The following NEK1 variants were observed in gnomAD, a reference collection of about 807,000 sequenced individuals.
The protein encoded by NEK1 is serine/threonine-protein kinase Nek1.
Under a neutral mutation model 182.1 loss-of-function variants are expected in NEK1, and 137 were observed. That is an observed-to-expected ratio of 0.75 (90% CI 0.65 to 0.87). NEK1 has a LOEUF of 0.87. Among genes scored for constraint, NEK1 ranks in the 40% least tolerant of loss-of-function variants. The pLI, the probability that NEK1 is intolerant of heterozygous loss-of-function variation, is 0.00. For synonymous variants in NEK1, 513 were observed against 492.2 expected, an observed-to-expected ratio of 1.04 and a Z score of -0.56; for missense variants, 1,391 against 1,494.4, an observed-to-expected ratio of 0.93 and a Z score of 1.14.
In NEK1 at chr4:169,444,754, C is replaced by T. The variant is rs187064895; in HGVS notation, c.2588-6495G>A. Among the ~76,000 whole-genome samples the T allele has an allele frequency of 7.8e-4, 119 of 152,260 alleles. 1 individual carries two copies. The highest frequency in any genetic ancestry group is 1.3e-3 in the Non-Finnish European group (89 of 68,008). On this transcript the variant is annotated intron_variant, in intron 27 of 35. Coordinates refer to ENST00000507142, the MANE Select transcript of NEK1 (RefSeq NM_001199397.3). ...TAAACTGCACTTTAGACCAAATGGACGTAACAGACATCTACAGAACACATC... is the reference window on the plus strand; with the variant it reads ...TAAACTGCACTTTAGACCAAATGGATGTAACAGACATCTACAGAACACATC...
intron 32 of NEK1, among the ~76,000 whole-genome samples, chr4:169,405,861 T>C (rs1732503097): frequency 6.6e-6 from 1 of 152,182 alleles, no homozygotes; most frequent in Admixed American, 6.5e-5. Flanking sequence ...CCTAGCACTT[T>C]GGGAGCCCAA....
intron 31 of NEK1, among the ~76,000 whole-genome samples, chr4:169,416,083 G>A (rs183160237): frequency 1.3e-4 from 20 of 152,208 alleles, no homozygotes; most frequent in African/African-American, 4.6e-4. Flanking sequence ...CCACAGATTC[G>A]AAAACTAAGG....
chr4:169,447,190 A>G (rs970455904), intron 27 of NEK1, among the ~76,000 whole-genome samples: 1 of 152,222 alleles, frequency 6.6e-6, no homozygotes, highest in African/African-American at 2.4e-5. Context: ...GAAAAGCAGC[A>G]GCAGACTTTG....
intron 2 of NEK1, among the ~76,000 whole-genome samples, chr4:169,603,732 G>A (rs1231524059): frequency 7.7e-6 from 1 of 129,288 alleles, no homozygotes; most frequent in Non-Finnish European, 1.6e-5. Context: ...TTTTAAGACA[G>A]TCTCACTCTG....
chr4:169,440,240 A>C (rs1739186366), intron 27 of NEK1, among the ~76,000 whole-genome samples: 2 of 152,068 alleles, frequency 1.3e-5, no homozygotes. Flanking sequence ...TCAAAGCAGC[A>C]AATCAAAATA....
chr4:169,513,966 G>GTTATTTATTTATTTATTTATTTATTTAT (rs35041721), intron 19 of NEK1, among the ~76,000 whole-genome samples: 3 of 144,542 alleles, frequency 2.1e-5, no homozygotes, highest in African/African-American at 7.9e-5. Context: ...GAGGATTTTT[G>GTTATTTATTTATTTATTTATTTATTTAT]TTATTTATTT....
chr4:169,529,829 A>C (rs1415013241), intron 19 of NEK1, among the ~76,000 whole-genome samples: 1 of 152,208 alleles, frequency 6.6e-6, no homozygotes, highest in Non-Finnish European at 1.5e-5. Context: ...CATTTAGAGA[A>C]ATCCAAATTC....
At chr4:169,601,589 G>C (rs1770495699) in intron 4 of NEK1, among the ~76,000 whole-genome samples, 1 of 152,024 alleles carries the variant, frequency 6.6e-6, no homozygotes, top group Non-Finnish European at 1.5e-5. Flanking sequence ...CAGTGGTAGT[G>C]GTGGCAGCAC....
chr4:169,418,336 CA>C, intron 31 of NEK1, among the ~76,000 whole-genome samples: 1 of 152,052 alleles, frequency 6.6e-6, no homozygotes. Flanking sequence ...ATAGTAATAA[CA>C]AAAAAATCAG....
intron 3 of NEK1, 27 bp from the exon 4 acceptor site, chr4:169,602,131 T>C: frequency 6.7e-7 from 1 of 1,497,900 alleles, no homozygotes; most frequent in Non-Finnish European, 9.3e-7. Context: ...AAGAAAATAG[T>C]AAATGAAACC....
chr4:169,546,623 G>A (rs1404300521), intron 18 of NEK1, among the ~76,000 whole-genome samples: 3 of 152,054 alleles, frequency 2.0e-5, no homozygotes, highest in Admixed American at 2.0e-4. Flanking sequence ...TCTCTTTTTA[G>A]GTCACTAAGA....
chr4:169,477,674 A>C (rs1747218289), intron 24 of NEK1, among the ~76,000 whole-genome samples, 177 bp from the exon 25 acceptor site: 1 of 152,018 alleles, frequency 6.6e-6, no homozygotes, highest in Admixed American at 6.6e-5. Context: ...ACCTTTAAAT[A>C]TTATTAATTA....
intron 24 of NEK1, among the ~76,000 whole-genome samples, chr4:169,477,919 T>C (rs1747275116): frequency 6.6e-6 from 1 of 152,076 alleles, no homozygotes; most frequent in African/African-American, 2.4e-5. Flanking sequence ...AAATAGGCTG[T>C]GTTATTCTAA....
intron 23 of NEK1, among the ~76,000 whole-genome samples, chr4:169,503,186 C>G (rs1457339208): frequency 6.6e-6 from 1 of 152,016 alleles, no homozygotes; most frequent in Non-Finnish European, 1.5e-5. Context: ...TGAAAGATCT[C>G]TACAAGGAGA....
intron 18 of NEK1, among the ~76,000 whole-genome samples, chr4:169,547,052 C>T (rs1344910783): frequency 6.6e-6 from 1 of 152,176 alleles, no homozygotes; most frequent in Non-Finnish European, 1.5e-5. Flanking sequence ...TTAGTTGATG[C>T]AGTTTCTTCA....
At chr4:169,432,453 T>C (rs964577952) in intron 29 of NEK1, among the ~76,000 whole-genome samples, 2 of 152,206 alleles carry the variant, frequency 1.3e-5, no homozygotes, top group African/African-American at 2.4e-5. Context: ...TCATTTGTAA[T>C]GTCAATCAAT....
At position 169,477,314 on chromosome 4, in the gene NEK1, A is replaced by G; in HGVS notation, c.2244T>C (p.Leu748=). 1 of 1,582,616 alleles carries G rather than the reference A, an allele frequency of 6.3e-7. No homozygotes were observed. Among genetic ancestry groups the G allele is most frequent in the Admixed American group, 1.8e-5 (1 of 55,502 alleles). Residue 748 remains leucine (L), a synonymous_variant, in exon 26 of 36, where the codon CTT becomes CTC. Coordinates refer to ENST00000507142, the MANE Select transcript of NEK1 (RefSeq NM_001199397.3). ...REILRRLNEN[L]KAQEDEKGKQ... Reference sequence around the variant, plus strand: ...TTCCTTTTTCATCTTCTTGAGCTTTAAGATTTTCATTTAATCTACGAAGTA... The same window carrying G: ...TTCCTTTTTCATCTTCTTGAGCTTTGAGATTTTCATTTAATCTACGAAGTA...
chr4:169,594,433 A>C (rs1561478770), intron 5 of NEK1, among the ~76,000 whole-genome samples: 1 of 152,198 alleles, frequency 6.6e-6, no homozygotes, highest in Non-Finnish European at 1.5e-5. Flanking sequence ...TGATCTTGGA[A>C]CTTCTAACCA....
intron 19 of NEK1, among the ~76,000 whole-genome samples, chr4:169,518,353 C>T (rs1437226824): frequency 1.7e-5 from 2 of 118,148 alleles, no homozygotes. Context: ...GTGGTGATAT[C>T]CCCTTTATCA....
Sources: allele counts gnomAD v4.1 joint callset (sites outside exome capture counted in the v4.1 genomes callset), GRCh38; gene constraint gnomAD v4.1.1; transcripts MANE v1.5; gene names NCBI Gene and HGNC (gene_info 2026-07-23, HGNC 2026-07-21).